The following KCNH6 variants were observed in gnomAD, a reference collection of about 807,000 sequenced individuals.
The protein encoded by KCNH6 is potassium voltage-gated channel subfamily H member 6, also known as voltage-gated inwardly rectifying potassium channel KCNH6.
In KCNH6, 81 loss-of-function variants were observed where a neutral mutation model predicts 83.4. That is an observed-to-expected ratio of 0.97 (90% confidence interval 0.81 to 1.17). The LOEUF is 1.17. Among genes scored for constraint, KCNH6 ranks in the 50% most tolerant of loss-of-function variants. The pLI is 0.00. For synonymous variants in KCNH6, 503 were observed against 545.6 expected (o/e 0.92, Z 1.09); for missense variants, 1,203 against 1,290.5 (o/e 0.93, Z 1.04).
chr17:63,533,807 C>T lies in KCNH6; in HGVS notation c.676-79C>T. 3 of 1,396,726 alleles carry T rather than the reference C, an allele frequency of 2.1e-6. No homozygotes were observed. The highest frequency in any genetic ancestry group is 2.0e-6 in the Non-Finnish European group (2 of 1,015,280). The allele number at this position is 1,396,726 out of a possible 1,614,324, so 86.5% of individuals were successfully genotyped here. Reference sequence around the variant, plus strand: ...CACCCACCCTCTCCCACTACACCTTCCCCAGGCCTCAGCCCTCTAGGCCAG... The same window carrying T: ...CACCCACCCTCTCCCACTACACCTTTCCCAGGCCTCAGCCCTCTAGGCCAG... On this transcript the variant is annotated intron_variant, in intron 4 of 12. Transcript: ENST00000314672. The surrounding 1 kb of genome is among the most constrained non-coding windows in gnomAD (Gnocchi z 4.1).
intron 6 of KCNH6, among the ~76,000 whole-genome samples, chr17:63,536,669 A>C (rs1028199628): frequency 6.6e-6 from 1 of 151,516 alleles, no homozygotes; most frequent in Admixed American, 6.6e-5. Context: ...ATTATTAAGA[A>C]TTTTTCGCCA....
Position 63,534,016 on chromosome 17 carries a change from A to G in KCNH6, c.806A>G (p.Tyr269Cys). The stretch of plus-strand genomic sequence containing the variant: ...TGGCTCATCCTGCTGCTGGTCATCT[A>G]CACGGCTGTCTTCACGCCCTACTCA... Reference protein sequence around the residue: ...WDWLILLLVIYTAVFTPYSAA... With the variant: ...WDWLILLLVICTAVFTPYSAA... Residue 269 changes from tyrosine to cysteine, a missense_variant, in exon 5 of 13, where the codon TAC (tyrosine) becomes TGC (cysteine). Coordinates refer to ENST00000314672, the MANE Select transcript of KCNH6 (RefSeq NM_001278919.2). The surrounding 1 kb of genome is among the most constrained non-coding windows in gnomAD (Gnocchi z 5.0). 1 of 1,614,160 alleles carries G rather than the reference A, an allele frequency of 6.2e-7. No homozygotes were observed. The highest frequency in any genetic ancestry group is 8.5e-7 in the Non-Finnish European group (1 of 1,180,016).
intron 2 of KCNH6, 147 bp downstream of exon 2, chr17:63,524,516 G>C: frequency 1.5e-6 from 1 of 654,576 alleles, no homozygotes; most frequent in Middle Eastern, 4.1e-4. Context: ...TTCCTCCACA[G>C]GCATTGGATA....
chr17:63,538,240 C>T lies in KCNH6; in HGVS notation c.1677C>T (p.Tyr559=), dbSNP rs1226638535. Residue 559 remains tyrosine (Y), a synonymous_variant, in exon 7 of 13, where the codon TAC becomes TAT. Coordinates refer to ENST00000314672, the MANE Select transcript of KCNH6 (RefSeq NM_001278919.2). This position sits in a 1 kb window ranked among gnomAD's most constrained non-coding sequence, Gnocchi z 4.0. ...LEEYFQHAWS[Y]TNGIDMNAVL... ...AGTATTTCCAGCACGCCTGGTCCTA[C>T]ACCAATGGCATTGACATGAACGCGG... The T allele has an allele frequency of 6.2e-7, 1 of 1,614,188 alleles. No individual in the cohort carries two copies.
chr17:63,544,494 G>T (rs2033049005), intron 11 of KCNH6, 83 bp downstream of exon 11: 1 of 1,304,296 alleles, frequency 7.7e-7, no homozygotes, highest in Non-Finnish European at 1.0e-6. Flanking sequence ...GTGCCAGGTG[G>T]GTTTTAGAAT....
At chr17:63,525,441 G>C (rs1032835548) in intron 2 of KCNH6, among the ~76,000 whole-genome samples, 1 of 152,238 alleles carries the variant, frequency 6.6e-6, no homozygotes, top group Non-Finnish European at 1.5e-5. Flanking sequence ...GTGCTCAGGG[G>C]AGAGAAGTCC....
At position 63,538,306 on chromosome 17, in the gene KCNH6, G is replaced by GT. The variant is rs397770218; in HGVS notation, c.1701+42_1701+43insT. Reference sequence around the variant, plus strand: ...CGGCTAATGCCCCGGGCGTGGGGGGGAGCCAAGATCCTGCGGGGGCGGGGC... The same window carrying GT: ...CGGCTAATGCCCCGGGCGTGGGGGGGTAGCCAAGATCCTGCGGGGGCGGGGC... On this transcript the variant is annotated intron_variant, in intron 7 of 12. Coordinates refer to ENST00000314672, the MANE Select transcript of KCNH6 (RefSeq NM_001278919.2). This position sits in a 1 kb window ranked among gnomAD's most constrained non-coding sequence, Gnocchi z 4.0. 7 of 1,611,980 alleles carry GT rather than the reference G, an allele frequency of 4.3e-6. No homozygotes were observed. The highest frequency in any genetic ancestry group is 5.9e-6 in the Non-Finnish European group (7 of 1,178,738).
Position 63,545,812 on chromosome 17 carries a change from C to T in KCNH6, c.2787C>T (p.Ser929=), listed in dbSNP as rs781749298. 6.2e-6 allele frequency: 10 copies of T among 1,614,008 alleles called. No individual in the cohort carries two copies. The Admixed American group carries it at 1.3e-4, about 22-fold the overall frequency. Residue 929 remains serine, a synonymous_variant, in exon 13 of 13, where the codon TCC becomes TCT. Coordinates refer to ENST00000314672, the MANE Select transcript of KCNH6 (RefSeq NM_001278919.2). ...QGLICGPCFS[S]LPEHLGSVPK... is the part of the protein sequence containing the mutation. Reference sequence around the variant, plus strand: ...TCATCTGTGGTCCCTGCTTCTCCTCCCTCCCTGAACACCTTGGCTCTGTTC... The same window carrying T: ...TCATCTGTGGTCCCTGCTTCTCCTCTCTCCCTGAACACCTTGGCTCTGTTC...
At chr17:63,543,301 G>A (rs536255288) in intron 9 of KCNH6, among the ~76,000 whole-genome samples, 51 of 150,132 alleles carry the variant, frequency 3.4e-4, no homozygotes, top group Non-Finnish European at 5.9e-4. Flanking sequence ...TCCCTCCCGC[G>A]ATCTGCACAG....
chr17:63,528,693 C>T (rs1232542646), intron 2 of KCNH6, among the ~76,000 whole-genome samples: 1 of 152,114 alleles, frequency 6.6e-6, no homozygotes. Context: ...TCTGCGTGGT[C>T]ACCTGAGGCC....
intron 2 of KCNH6, among the ~76,000 whole-genome samples, chr17:63,529,835 G>A (rs557810715): frequency 2.3e-4 from 35 of 152,316 alleles, no homozygotes; most frequent in South Asian, 1.7e-3. Context: ...ATGGCCGAGC[G>A]TGGACTTGGG....
Position 63,523,385 on chromosome 17 carries a change from TGGC to T in KCNH6, c.-28_-26del, listed in dbSNP as rs748035013. On this transcript the variant is annotated 5_prime_UTR_variant, in exon 1 of 13. Transcript: ENST00000314672. This position sits in a 1 kb window ranked among gnomAD's most constrained non-coding sequence, Gnocchi z 4.2. ...AGACGCCGGGAGCCAGTGGCGCCTG[TGGC>T]TCCGGGCAGGGGCCGCGGCCGAAAG... 1 of 1,570,928 alleles carries T rather than the reference TGGC, an allele frequency of 6.4e-7. No individual in the cohort carries two copies. Among genetic ancestry groups the T allele is most frequent in the Non-Finnish European group, 8.6e-7 (1 of 1,161,700 alleles).
chr17:63,537,793 T>A (rs1758409278), intron 6 of KCNH6, among the ~76,000 whole-genome samples: 1 of 152,182 alleles, frequency 6.6e-6, no homozygotes, highest in Admixed American at 6.5e-5. Context: ...GATCTGAACT[T>A]TAAAAATCCA....
At chr17:63,524,042 A>T in intron 1 of KCNH6, 97 bp from the exon 2 acceptor site, 1 of 854,208 alleles carries the variant, frequency 1.2e-6, no homozygotes, top group Non-Finnish European at 2.0e-6. Context: ...CTCTGCCTAA[A>T]TTCCCCTTAC....
rs778444386 is a variant in KCNH6, at chr17:63,538,216, G to C, written c.1653G>C (p.Glu551Asp). ...ACCCACTGCGCCAGCGCCTGGAGGA[G>C]TATTTCCAGCACGCCTGGTCCTACA... ...IPNPLRQRLEEYFQHAWSYTN... is the reference protein window; with the variant it reads ...IPNPLRQRLEDYFQHAWSYTN... Residue 551 changes from glutamate (E) to aspartate (D), a missense_variant, in exon 7 of 13, where the codon GAG becomes GAC. Glu to Asp is a conservative substitution (Grantham distance 45, BLOSUM62 2). Transcript: ENST00000314672. The surrounding 1 kb of genome is among the most constrained non-coding windows in gnomAD (Gnocchi z 4.0). The C allele has an allele frequency of 1.2e-6, 2 of 1,614,104 alleles. No individual in the cohort carries two copies. Among genetic ancestry groups the C allele is most frequent in the African/African-American group, 2.7e-5 (2 of 74,954 alleles).
At position 63,542,226 on chromosome 17, in the gene KCNH6, C is replaced by T. The variant is rs772141494; in HGVS notation, c.1955-15C>T. On this transcript the variant is annotated splice_polypyrimidine_tract_variant and intron_variant, in intron 8 of 12. Coordinates refer to ENST00000314672, the MANE Select transcript of KCNH6 (RefSeq NM_001278919.2). The stretch of plus-strand genomic sequence containing the variant: ...AGTCAGACCCTGAAGAGACTCCCAC[C>T]CCTCTGGCTGGCAGGAAAGAATGAC... 1.9e-6 allele frequency: 3 copies of T among 1,612,294 alleles called. No homozygotes were observed. Among genetic ancestry groups the T allele is most frequent in the South Asian group, 2.2e-5 (2 of 90,996 alleles).
chr17:63,536,181 T>A, intron 6 of KCNH6, 113 bp downstream of exon 6: 1 of 950,776 alleles, frequency 1.1e-6, no homozygotes, highest in Non-Finnish European at 1.6e-6. Context: ...ATTCATGCAG[T>A]ACACTGATCC....
chr17:63,536,049 C>T lies in KCNH6; in HGVS notation c.1482C>T (p.Ile494=), dbSNP rs2032477888. ...PNTNSEKVFS[I]CVMLIGSLMY... is the part of the protein sequence containing the mutation. ...CCAACTCCGAGAAGGTCTTCTCCAT[C>T]TGCGTCATGCTCATCGGCTGTGAGT... is the stretch of plus-strand genomic sequence containing the variant. Residue 494 remains isoleucine (I), a synonymous_variant, in exon 6 of 13, where the codon ATC becomes ATT. Coordinates refer to ENST00000314672, the MANE Select transcript of KCNH6 (RefSeq NM_001278919.2). 6.2e-7 allele frequency: 1 copy of T among 1,613,254 alleles called. No individual in the cohort carries two copies. Among genetic ancestry groups the T allele is most frequent in the Non-Finnish European group, 8.5e-7 (1 of 1,179,894 alleles).
rs1040048777 is a variant in KCNH6, at chr17:63,533,833, T to C, written c.676-53T>C. ...CCCAGGCCTCAGCCCTCTAGGCCAG[T>C]CTCACCAGCAGTGGCTGCCCCGTGC... On this transcript the variant is annotated intron_variant, in intron 4 of 12. Transcript: ENST00000314672. This position sits in a 1 kb window ranked among gnomAD's most constrained non-coding sequence, Gnocchi z 4.1. 51 of 1,547,954 alleles carry C rather than the reference T, an allele frequency of 3.3e-5. No individual in the cohort carries two copies. The highest frequency in any genetic ancestry group is 4.4e-5 in the Non-Finnish European group (50 of 1,139,554).
Sources: gnomAD v4.1 joint callset for allele counts (sites outside exome capture counted in the v4.1 genomes callset) on GRCh38, gnomAD v4.1.1 for gene constraint, Gnocchi (gnomAD v3.1) non-coding constraint, MANE v1.5 for transcripts, NCBI Gene and HGNC (gene_info 2026-07-23, HGNC 2026-07-21) for gene names.